Variants in ROBO1 observed in about 807,000 individuals in gnomAD.
ROBO1 encodes roundabout guidance receptor 1.
A neutral mutation model predicts 195.9 loss-of-function variants in ROBO1; 149 were observed. That is an observed-to-expected ratio of 0.76 (90% confidence interval 0.67 to 0.87). The LOEUF (loss-of-function observed/expected upper bound fraction) is 0.87. ROBO1 is among the 40% of genes least tolerant of loss of function. The pLI, the probability that ROBO1 is intolerant of heterozygous loss-of-function variation, is 0.00. For synonymous variants in ROBO1, 816 were observed against 733.2 expected, an observed-to-expected ratio of 1.11 and a Z score of -1.82; for missense variants, 1,933 against 2,068.3, an observed-to-expected ratio of 0.93 and a Z score of 1.27.
chr3:79,125,011 T>G (rs2108571036), intron 3 of ROBO1, among the ~76,000 whole-genome samples: 1 of 152,234 alleles, frequency 6.6e-6, no homozygotes, highest in Middle Eastern at 3.4e-3. Context: ...GGTTATGAAT[T>G]ACATCGCTCT....
At chr3:79,392,486 T>C (rs2036991494) in intron 2 of ROBO1, among the ~76,000 whole-genome samples, 1 of 152,178 alleles carries the variant, frequency 6.6e-6, no homozygotes, top group Non-Finnish European at 1.5e-5. Context: ...GAACTGCATA[T>C]AGGCTTTACA....
At chr3:79,225,466 T>G (rs573150676) in intron 2 of ROBO1, among the ~76,000 whole-genome samples, 1 of 152,232 alleles carries the variant, frequency 6.6e-6, no homozygotes, top group Non-Finnish European at 1.5e-5. Context: ...GCCGTGTGTT[T>G]AGAACCAGTA....
Position 79,767,830 on chromosome 3 carries a change from C to A in ROBO1, c.-129G>T, listed in dbSNP as rs562287451. 6.6e-6 allele frequency: 1 copy of A among 152,164 alleles called. No individual in the cohort carries two copies. The highest frequency in any genetic ancestry group is 6.5e-5 in the Admixed American group (1 of 15,278). The allele number at this position is 152,164 out of a possible 1,614,324, so 9.4% of individuals were successfully genotyped here. A position where few individuals can be genotyped will look rare whatever the true frequency, so the allele number is the denominator to read the frequency against. On this transcript the variant is annotated 5_prime_UTR_variant, in exon 1 of 31. Transcript: ENST00000464233. ...CCTGCAACTTTGCTGTGCACTGAGA[C>A]CTTTCCGAGTTTAAACCAAGCGAAA... is the stretch of plus-strand genomic sequence containing the variant.
intron 2 of ROBO1, among the ~76,000 whole-genome samples, chr3:79,135,175 G>C (rs919523359): frequency 2.6e-5 from 4 of 151,872 alleles, no homozygotes; most frequent in Non-Finnish European, 5.9e-5. Context: ...TATGTCCTTT[G>C]GCCAGCATCT....
intron 3 of ROBO1, among the ~76,000 whole-genome samples, chr3:79,052,227 G>A (rs1302164133): frequency 6.6e-6 from 1 of 152,068 alleles, no homozygotes; most frequent in South Asian, 2.1e-4. Context: ...GCCGCTCTGG[G>A]AGTGTTTGTC....
chr3:79,377,407 G>T (rs973722408), intron 2 of ROBO1, among the ~76,000 whole-genome samples: 6 of 151,952 alleles, frequency 3.9e-5, no homozygotes, highest in African/African-American at 1.4e-4. Context: ...AACAGCAAGG[G>T]GATTTAAATG....
chr3:78,989,390 G>A (rs945373502), intron 3 of ROBO1, among the ~76,000 whole-genome samples: 1 of 152,208 alleles, frequency 6.6e-6, no homozygotes, highest in Non-Finnish European at 1.5e-5. Flanking sequence ...AAAGCGGGTG[G>A]AACACTTGAG....
At chr3:78,637,852 A>C (rs1018678074) in intron 22 of ROBO1, among the ~76,000 whole-genome samples, 2 of 152,154 alleles carry the variant, frequency 1.3e-5, no homozygotes, top group Non-Finnish European at 2.9e-5. Context: ...TTTATAGTGC[A>C]TAGCATCTTT....
intron 2 of ROBO1, among the ~76,000 whole-genome samples, chr3:79,318,332 A>G (rs1161021209): frequency 3.3e-5 from 5 of 152,190 alleles, no homozygotes; most frequent in Non-Finnish European, 7.3e-5. Context: ...ATCACATGTA[A>G]TCTTCCCAGT....
chr3:79,740,548 C>T (rs1029435056), intron 1 of ROBO1, among the ~76,000 whole-genome samples: 3 of 152,052 alleles, frequency 2.0e-5, no homozygotes, highest in African/African-American at 7.2e-5. Flanking sequence ...TACCTCTTCA[C>T]AGGGTGGCAG....
At chr3:78,628,648 C>G (rs1279788636) in intron 25 of ROBO1, among the ~76,000 whole-genome samples, 1 of 152,182 alleles carries the variant, frequency 6.6e-6, no homozygotes, top group East Asian at 1.9e-4. Context: ...AGTTGATGCT[C>G]AAATAATATT....
At chr3:78,760,438 G>A (rs947330256) in intron 4 of ROBO1, among the ~76,000 whole-genome samples, 1 of 152,124 alleles carries the variant, frequency 6.6e-6, no homozygotes, top group African/African-American at 2.4e-5. Flanking sequence ...GGCCGAGGCA[G>A]GAGGACTGCC....
intron 3 of ROBO1, among the ~76,000 whole-genome samples, chr3:78,981,788 A>AACACACAC (rs375186931): frequency 0.015 from 2,161 of 140,724 alleles, 57 homozygotes; most frequent in African/African-American, 0.049. Context: ...GGCCCCTGCC[A>AACACACAC]ACACACACAC....
chr3:78,932,316 G>A (rs750181174), intron 4 of ROBO1, among the ~76,000 whole-genome samples: 2 of 152,138 alleles, frequency 1.3e-5, no homozygotes, highest in African/African-American at 2.4e-5. Context: ...TATTCTGGAC[G>A]TCTCAAGAGG....
intron 2 of ROBO1, among the ~76,000 whole-genome samples, chr3:79,562,083 A>G (rs905530367): frequency 7.9e-5 from 12 of 152,156 alleles, no homozygotes; most frequent in Non-Finnish European, 1.5e-4. Flanking sequence ...TAATTCAGCA[A>G]TTAATCTTAC....
At chr3:78,632,063 G>A (rs1031929470) in intron 24 of ROBO1, among the ~76,000 whole-genome samples, 7 of 151,852 alleles carry the variant, frequency 4.6e-5, no homozygotes, top group Non-Finnish European at 8.8e-5. Flanking sequence ...AAAACTTTAG[G>A]TCAACAAATA....
At chr3:79,296,252 G>T (rs908632931) in intron 2 of ROBO1, among the ~76,000 whole-genome samples, 1 of 152,084 alleles carries the variant, frequency 6.6e-6, no homozygotes, top group African/African-American at 2.4e-5. Context: ...TACCTTAAGA[G>T]TTAAAATGAA....
At chr3:79,308,762 C>T (rs536984562) in intron 2 of ROBO1, among the ~76,000 whole-genome samples, 6 of 152,256 alleles carry the variant, frequency 3.9e-5, no homozygotes, top group Non-Finnish European at 8.8e-5. Flanking sequence ...GACTTATCTT[C>T]TCTGCAATAT....
intron 28 of ROBO1, chr3:78,607,306 G>C: frequency 2.6e-6 from 1 of 377,604 alleles, no homozygotes; most frequent in Non-Finnish European, 4.8e-6. Flanking sequence ...TTGACCTCCT[G>C]GGTGCGAGCA....
Sources: allele counts gnomAD v4.1 joint callset (sites outside exome capture counted in the v4.1 genomes callset), GRCh38; gene constraint gnomAD v4.1.1; transcripts MANE v1.5; gene names NCBI Gene and HGNC (gene_info 2026-07-23, HGNC 2026-07-21).